Variants in SIM2 observed in about 807,000 individuals in gnomAD.
The protein encoded by SIM2 is SIM bHLH transcription factor 2, also known as single-minded homolog 2.
SIM2 carries 28 observed loss-of-function variants against 64.8 expected under a neutral mutation model. The ratio of observed to expected loss-of-function variants is 0.43; its 90% CI spans 0.32 to 0.59. The LOEUF (loss-of-function observed/expected upper bound fraction) is 0.59. Among genes scored for constraint, SIM2 ranks in the 20% least tolerant of loss-of-function variants. The probability of loss-of-function intolerance (pLI) is 0.07; values close to 1 mark genes in which losing one functional copy is unlikely to be tolerated. For missense variants in SIM2, 847 were observed against 871.4 expected (o/e 0.97, Z 0.35); for synonymous variants, 408 against 391.1 (o/e 1.04, Z -0.51).
intron 7 of SIM2, among the ~76,000 whole-genome samples, chr21:36,731,494 C>T (rs976748478): frequency 3.9e-5 from 6 of 152,192 alleles, no homozygotes; most frequent in Non-Finnish European, 7.3e-5. Context: ...GGAGCTCTTA[C>T]TGCTGTCGGG....
At chr21:36,724,568 C>T (rs570059830) in intron 5 of SIM2, among the ~76,000 whole-genome samples, 6 of 152,308 alleles carry the variant, frequency 3.9e-5, no homozygotes, top group Admixed American at 2.0e-4. Flanking sequence ...CAGGAGCCAC[C>T]GCGCCTGGAT....
At chr21:36,733,878 T>C (rs2089009334) in intron 7 of SIM2, among the ~76,000 whole-genome samples, 2 of 152,310 alleles carry the variant, frequency 1.3e-5, no homozygotes, top group Admixed American at 6.5e-5. Context: ...GGGATTTTTT[T>C]CCCCATTTGC....
intron 1 of SIM2, among the ~76,000 whole-genome samples, chr21:36,700,756 C>G (rs139307673): frequency 0.011 from 1,660 of 152,340 alleles, 35 homozygotes; most frequent in African/African-American, 0.038. Flanking sequence ...CCGCCCCCGC[C>G]GTTGCTGAGC....
intron 3 of SIM2, among the ~76,000 whole-genome samples, chr21:36,717,468 GAC>G (rs1266643405): frequency 8.1e-6 from 1 of 122,884 alleles, no homozygotes; most frequent in Non-Finnish European, 1.7e-5. Context: ...TTTTTTTTGA[GAC>G]AGAGTCTTGC....
In SIM2 at chr21:36,747,595, C is replaced by T. The variant is rs1344599810; in HGVS notation, c.1577-70C>T. ...GCGGCCGAGGGGTGGTGGCTGCGCC[C>T]GGGGCTTGGGGGTGGGGTGGCTGCG... On this transcript the variant is annotated intron_variant, in intron 10 of 10. Coordinates refer to ENST00000290399, the MANE Select transcript of SIM2 (RefSeq NM_005069.6). This position sits in a 1 kb window ranked among gnomAD's most constrained non-coding sequence, Gnocchi z 4.5. 2.8e-5 allele frequency: 25 copies of T among 893,750 alleles called. No homozygotes were observed. Among genetic ancestry groups the T allele is most frequent in the African/African-American group, 6.9e-5 (3 of 43,282 alleles). The allele number at this position is 893,750 out of a possible 1,614,324, so 55.4% of individuals were successfully genotyped here.
At chr21:36,700,790 G>A (rs1279582196) in intron 1 of SIM2, among the ~76,000 whole-genome samples, 1 of 152,254 alleles carries the variant, frequency 6.6e-6, no homozygotes, top group Admixed American at 6.5e-5. Flanking sequence ...AAAGAGAGGG[G>A]TCCGATTAAT....
At chr21:36,725,081 CATGCCT>C (rs1461971493) in intron 5 of SIM2, among the ~76,000 whole-genome samples, 1 of 152,208 alleles carries the variant, frequency 6.6e-6, no homozygotes, top group Non-Finnish European at 1.5e-5. Context: ...CACAGTGATT[CATGCCT>C]GTAATTCCAG....
In SIM2 at chr21:36,748,189, A is replaced by G. The variant is rs1414935288; in HGVS notation, c.*97A>G. ...GCGCACGACCTACATTAATTTATGCAGAGACAGCTGTTTGAATTGGACCCC... is the reference window on the plus strand; with the variant it reads ...GCGCACGACCTACATTAATTTATGCGGAGACAGCTGTTTGAATTGGACCCC... On this transcript the variant is annotated 3_prime_UTR_variant, in exon 11 of 11. Transcript: ENST00000290399. 5.9e-6 allele frequency: 3 copies of G among 504,542 alleles called. No homozygotes were observed. Among genetic ancestry groups the G allele is most frequent in the African/African-American group, 2.1e-5 (1 of 47,710 alleles). The allele number at this position is 504,542 out of a possible 1,614,324, so 31.3% of individuals were successfully genotyped here. A position where few individuals can be genotyped will look rare whatever the true frequency, so the allele number is the denominator to read the frequency against.
rs963694977 is a variant in SIM2 at position 36,726,527 on chromosome 21, T to G, written c.743+209T>G. 6.6e-6 allele frequency among the ~76,000 whole-genome samples: 1 copy of G among 152,226 alleles called. No individual in the cohort carries two copies. The highest frequency in any genetic ancestry group is 1.5e-5 in the Non-Finnish European group (1 of 68,032). ...TGTTTTACTTTATTTACTTATTGAT[T>G]TACTTATTTTATTTACTTATTGATT... On this transcript the variant is annotated intron_variant, in intron 6 of 10. Transcript: ENST00000290399. This position sits in a 1 kb window ranked among gnomAD's most constrained non-coding sequence, Gnocchi z 4.5.
At chr21:36,703,340 T>C (rs915753) in intron 1 of SIM2, among the ~76,000 whole-genome samples, 108,440 of 152,102 alleles carry the variant, frequency 0.71, 38,796 homozygotes, top group Middle Eastern at 0.74. Context: ...TACTCGGCCT[T>C]GGTCTCCTTA....
Position 36,709,156 on chromosome 21 carries a change from T to A in SIM2, c.176-12T>A. 1.2e-6 allele frequency: 2 copies of A among 1,604,322 alleles called. No homozygotes were observed. The highest frequency in any genetic ancestry group is 1.7e-6 in the Non-Finnish European group (2 of 1,176,446). Reference sequence around the variant, plus strand: ...GCTGCAGTTTACCGATTTGCTTTCGTCCCTCGTCCAGGTTTAGGAGACGCG... The same window carrying A: ...GCTGCAGTTTACCGATTTGCTTTCGACCCTCGTCCAGGTTTAGGAGACGCG... On this transcript the variant is annotated splice_polypyrimidine_tract_variant and intron_variant, in intron 1 of 10. Transcript: ENST00000290399.
intron 6 of SIM2, among the ~76,000 whole-genome samples, chr21:36,727,884 G>A (rs1161222434): frequency 6.6e-6 from 1 of 152,112 alleles, no homozygotes; most frequent in Non-Finnish European, 1.5e-5. Context: ...CCTGGTTAGG[G>A]GCAAGAGATA....
Position 36,726,037 on chromosome 21 carries a change from T to G in SIM2, c.544-82T>G. 3 of 1,137,942 alleles carry G rather than the reference T, an allele frequency of 2.6e-6. No homozygotes were observed. The highest frequency in any genetic ancestry group is 3.9e-6 in the Non-Finnish European group (3 of 765,294). The allele number at this position is 1,137,942 out of a possible 1,614,324, so 70.5% of individuals were successfully genotyped here. On this transcript the variant is annotated intron_variant, in intron 5 of 10. Coordinates refer to ENST00000290399, the MANE Select transcript of SIM2 (RefSeq NM_005069.6). This position sits in a 1 kb window ranked among gnomAD's most constrained non-coding sequence, Gnocchi z 4.5. ...GGCTGGGCTGGGAGATATTCTAGCA[T>G]GTTTGAGAAAATGAGCCAGGAGGAG...
rs2089221927 is a variant in SIM2, at chr21:36,745,852, T to TGGACCAACCCCA, written c.1576+717_1576+718insGACCAACCCCAG. The TGGACCAACCCCA allele has an allele frequency of 7.7e-7, 1 of 1,303,478 alleles. No homozygotes were observed. Among genetic ancestry groups the TGGACCAACCCCA allele is most frequent in the South Asian group, 1.2e-5 (1 of 80,982 alleles). 80.7% of individuals were successfully genotyped at this position (1,303,478 alleles called of 1,614,324 possible). ...GCTCCCCAGGACGCAGACTGACTCC[T>TGGACCAACCCCA]GTTTGCTCGCTGGACCAACCCCAGG... On this transcript the variant is annotated intron_variant, in intron 10 of 10. Coordinates refer to ENST00000290399, the MANE Select transcript of SIM2 (RefSeq NM_005069.6). The surrounding 1 kb of genome is among the most constrained non-coding windows in gnomAD (Gnocchi z 4.8).
At chr21:36,719,383 C>T (rs141091960) in intron 3 of SIM2, among the ~76,000 whole-genome samples, 1 of 152,384 alleles carries the variant, frequency 6.6e-6, no homozygotes, top group Non-Finnish European at 1.5e-5. Flanking sequence ...CCACAGGGAG[C>T]ACTATGTGGA....
At chr21:36,715,667 G>A (rs2088737462) in intron 3 of SIM2, among the ~76,000 whole-genome samples, 1 of 152,140 alleles carries the variant, frequency 6.6e-6, no homozygotes, top group Admixed American at 6.5e-5. Context: ...AAAGATCATA[G>A]AGAATGTAAG....
At chr21:36,735,807 G>A (rs2089038168) in intron 7 of SIM2, among the ~76,000 whole-genome samples, 1 of 152,168 alleles carries the variant, frequency 6.6e-6, no homozygotes, top group Non-Finnish European at 1.5e-5. Flanking sequence ...AGCTGCAGAG[G>A]CCGACTTGGG....
chr21:36,721,079 GT>G (rs1392879145), intron 4 of SIM2, among the ~76,000 whole-genome samples: 1 of 152,214 alleles, frequency 6.6e-6, no homozygotes, highest in African/African-American at 2.4e-5. Context: ...AGCACACACA[GT>G]TGTAAAATCC....
Position 36,745,007 on chromosome 21 carries a change from C to T in SIM2, c.1447C>T (p.Leu483=), listed in dbSNP as rs2073601. ...GGTGGCACGCTTTTTCCTGAGCACA[C>T]TGCCAGCCAGCGGTGAATGCCAGTG... is the stretch of plus-strand genomic sequence containing the variant. ...CEVARFFLST[L]PASGECQWHY... Residue 483 remains leucine, a synonymous_variant, in exon 10 of 11, where the codon CTG becomes TTG. Transcript: ENST00000290399. The surrounding 1 kb of genome is among the most constrained non-coding windows in gnomAD (Gnocchi z 4.8). The T allele has an allele frequency of 1.1e-5, 18 of 1,614,180 alleles. No individual in the cohort carries two copies. In the South Asian group the frequency reaches 1.3e-4, roughly 12 times the overall value.
Sources: gnomAD v4.1 joint callset for allele counts (sites outside exome capture counted in the v4.1 genomes callset) on GRCh38, gnomAD v4.1.1 for gene constraint, Gnocchi (gnomAD v3.1) non-coding constraint, MANE v1.5 for transcripts, NCBI Gene and HGNC (gene_info 2026-07-23, HGNC 2026-07-21) for gene names.